The following ADGRF5 variants were observed in gnomAD, a reference collection of about 807,000 sequenced individuals.
The protein encoded by ADGRF5 is G-protein coupled receptor 116.
A neutral mutation model predicts 132.3 loss-of-function variants in ADGRF5; 75 were observed. That is an observed-to-expected ratio of 0.57 (90% CI 0.47 to 0.69). The LOEUF (loss-of-function observed/expected upper bound fraction) is 0.69. ADGRF5 is among the 30% of genes least tolerant of loss of function. The pLI is 0.00. For synonymous variants in ADGRF5, 629 were observed against 597.6 expected, an observed-to-expected ratio of 1.05 and a Z score of -0.77; for missense variants, 1,516 against 1,630.6, an observed-to-expected ratio of 0.93 and a Z score of 1.21.
chr6:46,946,442 G>A (rs1334968), intron 1 of ADGRF5, among the ~76,000 whole-genome samples: 115,886 of 152,160 alleles, frequency 0.76, 44,290 homozygotes, highest in East Asian at 0.86. Context: ...ATGTGAAGAC[G>A]TGAATCGCCA....
chr6:46,913,639 G>T, intron 1 of ADGRF5, among the ~76,000 whole-genome samples: 1 of 152,206 alleles, frequency 6.6e-6, no homozygotes, highest in East Asian at 1.9e-4. Context: ...CATTGGGATG[G>T]TTGGATAGAA....
chr6:46,911,540 C>G (rs1775951781), intron 1 of ADGRF5, among the ~76,000 whole-genome samples: 1 of 152,148 alleles, frequency 6.6e-6, no homozygotes. Flanking sequence ...TCAGATTCTA[C>G]CCATCCTTCA....
At position 46,944,346 on chromosome 6, in the gene ADGRF5, C is replaced by T. The variant is rs138293545; in HGVS notation, c.-25+10388G>A. On this transcript the variant is annotated intron_variant, in intron 1 of 20. Coordinates refer to the ADGRF5 transcript ENST00000265417. ...TGGAGCTCAGGCAATAACACTGGCT[C>T]TCCCATGGCTCATGTCCTGCTGTGT... Among the ~76,000 whole-genome samples, 110 of 152,358 alleles carry T rather than the reference C, an allele frequency of 7.2e-4. 1 individual carries two copies. Among genetic ancestry groups the T allele is most frequent in the African/African-American group, 2.1e-3 (86 of 41,584 alleles).
At chr6:46,880,752 G>A (rs986146981) in intron 8 of ADGRF5, among the ~76,000 whole-genome samples, 26 of 152,084 alleles carry the variant, frequency 1.7e-4, no homozygotes, top group African/African-American at 5.5e-4. Flanking sequence ...TATTGTTTTG[G>A]CAGTAAAAAT....
chr6:46,934,726 A>G (rs543528404), intron 1 of ADGRF5, among the ~76,000 whole-genome samples: 2 of 152,214 alleles, frequency 1.3e-5, no homozygotes, highest in South Asian at 4.1e-4. Flanking sequence ...ACAGTCCCAA[A>G]CCCTTAGAAA....
At chr6:46,891,776 G>A (rs1773669770) in intron 3 of ADGRF5, among the ~76,000 whole-genome samples, 1 of 152,150 alleles carries the variant, frequency 6.6e-6, no homozygotes, top group African/African-American at 2.4e-5. Flanking sequence ...TTTACAAGGA[G>A]CCAAGCCAAA....
chr6:46,917,039 A>G (rs529542088), intron 1 of ADGRF5, among the ~76,000 whole-genome samples: 1 of 152,382 alleles, frequency 6.6e-6, no homozygotes, highest in African/African-American at 2.4e-5. Context: ...AACAATTACT[A>G]TAATTTATCA....
chr6:46,865,115 A>C lies in ADGRF5; in HGVS notation c.1917T>G (p.Asp639Glu), dbSNP rs867723248. 68 of 1,610,974 alleles carry C rather than the reference A, an allele frequency of 4.2e-5. No homozygotes were observed. In the African/African-American group the frequency reaches 5.5e-4, roughly 13 times the overall value. ...CAGCATTGGTAAAGTGACAACACAC[A>C]TCAACAGTTTTTGAACACCAGGAAA... ...SSVSWCSKTV[D>E]VCCHFTNAAN... The change falls in exon 14 of 21, where the codon GAT (aspartate) becomes GAG (glutamate). Residue 639 changes from aspartate to glutamate, a missense_variant. By Grantham distance (45) the Asp-to-Glu change is conservative. Transcript: ENST00000283296.
At chr6:46,906,425 A>G (rs1327787844) in intron 2 of ADGRF5, among the ~76,000 whole-genome samples, 1 of 152,206 alleles carries the variant, frequency 6.6e-6, no homozygotes, top group Non-Finnish European at 1.5e-5. Flanking sequence ...TGTTCCCTTG[A>G]CACCACCACT....
In ADGRF5 at chr6:46,858,176, T is replaced by A; in HGVS notation, c.3727A>T (p.Thr1243Ser). ...AATATGATATGGAACACAAGGTTGGTCCCTGGGAACACAGTGGTGAGACCA... is the reference window on the plus strand; with the variant it reads ...AATATGATATGGAACACAAGGTTGGACCCTGGGAACACAGTGGTGAGACCA... ...GFGLTTVFPG[T>S]NLVFHIIFAI... is the part of the protein sequence containing the mutation. Residue 1243 changes from threonine (T) to serine (S), a missense_variant, in exon 17 of 21, where the codon ACC (threonine) becomes TCC (serine). Physicochemically the swap from Thr to Ser is moderately conservative, Grantham distance 58. Around this residue, in one of 2 missense-constraint regions of ADGRF5, gnomAD observed 571 missense variants for 701.2 expected, o/e 0.81. Transcript: ENST00000283296. 1 of 1,614,072 alleles carries A rather than the reference T, an allele frequency of 6.2e-7. No homozygotes were observed. The highest frequency in any genetic ancestry group is 8.5e-7 in the Non-Finnish European group (1 of 1,179,978).
intron 1 of ADGRF5, among the ~76,000 whole-genome samples, chr6:46,944,963 G>A (rs1042736047): frequency 6.6e-6 from 1 of 152,178 alleles, no homozygotes; most frequent in Non-Finnish European, 1.5e-5. Flanking sequence ...CCTTCAGACA[G>A]GTCAGTAAAT....
chr6:46,937,491 T>C (rs1353347319), intron 1 of ADGRF5, among the ~76,000 whole-genome samples: 1 of 152,136 alleles, frequency 6.6e-6, no homozygotes, highest in Non-Finnish European at 1.5e-5. Flanking sequence ...ACCATTCTAG[T>C]TGCAAGGCAA....
chr6:46,936,182 C>G (rs1582064504), intron 1 of ADGRF5, among the ~76,000 whole-genome samples: 1 of 152,168 alleles, frequency 6.6e-6, no homozygotes, highest in Non-Finnish European at 1.5e-5. Context: ...AAATCAGTCT[C>G]AGAGAGGTTG....
At chr6:46,942,753 C>T (rs1276406642) in intron 1 of ADGRF5, among the ~76,000 whole-genome samples, 2 of 152,136 alleles carry the variant, frequency 1.3e-5, no homozygotes, top group African/African-American at 4.8e-5. Context: ...CCTATTTTAT[C>T]TCTAGACTGC....
intron 1 of ADGRF5, among the ~76,000 whole-genome samples, chr6:46,946,542 T>C (rs1163724004): frequency 6.6e-6 from 1 of 152,136 alleles, no homozygotes; most frequent in African/African-American, 2.4e-5. Context: ...TCTGCTCCTA[T>C]TGTTTTAAGA....
chr6:46,858,905 C>T lies in ADGRF5; in HGVS notation c.2998G>A (p.Asp1000Asn). 6.2e-7 allele frequency: 1 copy of T among 1,614,084 alleles called. No homozygotes were observed. Among genetic ancestry groups the T allele is most frequent in the Non-Finnish European group, 8.5e-7 (1 of 1,179,994 alleles). ...AGGAGAGAACTAGGATCTGGGGAGTCAGGGGACATGAGGATGGAGAATGAT... is the reference window on the plus strand; with the variant it reads ...AGGAGAGAACTAGGATCTGGGGAGTTAGGGGACATGAGGATGGAGAATGAT... Reference protein sequence around the residue: ...LTSFSILMSPDSPDPSSLLGI... With the variant: ...LTSFSILMSPNSPDPSSLLGI... Residue 1000 changes from aspartate (D) to asparagine (N), a missense_variant, in exon 17 of 21, where the codon GAC (aspartate) becomes AAC (asparagine). By Grantham distance (23) the Asp-to-Asn change is conservative. Coordinates refer to ENST00000283296, the MANE Select transcript of ADGRF5 (RefSeq NM_001098518.2).
rs1327605176 is a variant in ADGRF5 at position 46,862,997 on chromosome 6, TC to T, written c.2089del (p.Glu697ArgfsTer13). The T allele has an allele frequency of 1.2e-6, 2 of 1,613,960 alleles. No homozygotes were observed. Among genetic ancestry groups the T allele is most frequent in the South Asian group, 2.2e-5 (2 of 91,062 alleles). On this transcript the variant is annotated frameshift_variant, in exon 15 of 21. Transcript: ENST00000283296. LOFTEE classifies it high-confidence loss of function. ...AGTGATGGTCCCGCCAATGGGACTC[TC>T]AGGGCTGCTGGGAACGTTTGAGAAC... is the stretch of plus-strand genomic sequence containing the variant. Reference protein sequence around the residue: ...CRFSNVPSSPESPIGGTITYK... With the variant: ...CRFSNVPSSPXSPIGGTITYK...
intron 2 of ADGRF5, among the ~76,000 whole-genome samples, chr6:46,902,738 G>C (rs1774901811): frequency 6.6e-6 from 1 of 152,232 alleles, no homozygotes; most frequent in South Asian, 2.1e-4. Context: ...TCGTTGTCCA[G>C]TGGGAGCAGC....
Position 46,905,880 on chromosome 6 carries a change from G to A in ADGRF5, c.102+781C>T, listed in dbSNP as rs78087792. Among the ~76,000 whole-genome samples, 809 of 152,262 alleles carry A rather than the reference G, an allele frequency of 5.3e-3. 4 individuals are homozygous for A. Among genetic ancestry groups the A allele is most frequent in the African/African-American group, 0.018 (762 of 41,534 alleles). On this transcript the variant is annotated intron_variant, in intron 2 of 20. Transcript: ENST00000283296. ...AGACACTGTTCTAGAGCATCTTATA[G>A]ATATGAACTAATTTAATTTTCATAA...
Sources: gnomAD v4.1 joint callset for allele counts (sites outside exome capture counted in the v4.1 genomes callset) on GRCh38, gnomAD v4.1.1 for gene constraint, gnomAD v4.1.1 regional missense constraint, MANE v1.5 for transcripts, NCBI Gene and HGNC (gene_info 2026-07-23, HGNC 2026-07-21) for gene names.